FYN: variants seen among roughly 807,000 people sequenced by gnomAD.
The protein encoded by FYN is FYN proto-oncogene, Src family tyrosine kinase.
A neutral mutation model predicts 70.2 loss-of-function variants in FYN; 10 were observed. The ratio of observed to expected loss-of-function variants is 0.14; its 90% CI spans 0.09 to 0.24. The LOEUF is 0.24. Among genes scored for constraint, FYN ranks in the 10% least tolerant of loss-of-function variants. The probability of loss-of-function intolerance (pLI) is 1.00; values close to 1 mark genes in which losing one functional copy is unlikely to be tolerated. For synonymous variants in FYN, 236 were observed against 248.6 expected, an observed-to-expected ratio of 0.95 and a Z score of 0.48; for missense variants, 319 against 673.1, an observed-to-expected ratio of 0.47 and a Z score of 5.82.
chr6:111,795,624 G>A (rs555469587), intron 2 of FYN, among the ~76,000 whole-genome samples: 4 of 152,228 alleles, frequency 2.6e-5, no homozygotes, highest in African/African-American at 9.6e-5. Flanking sequence ...TCTACCAGAG[G>A]GAGAAAAATA....
chr6:111,744,157 C>T (rs1034446806), intron 3 of FYN, among the ~76,000 whole-genome samples: 7 of 152,192 alleles, frequency 4.6e-5, no homozygotes, highest in South Asian at 2.1e-4. Flanking sequence ...CTTCAGCAGC[C>T]GTTATCCTAC....
chr6:111,872,973 C>G lies in FYN; in HGVS notation c.-128G>C, dbSNP rs1454728547. ...CATCCCCGCCGCCTGCTTACCTGCG[C>G]GGCGCTGAGGCTCCGGAGCCCACTC... On this transcript the variant is annotated 5_prime_UTR_variant, in exon 1 of 14. Transcript: ENST00000354650. 1.3e-5 allele frequency: 2 copies of G among 149,964 alleles called. No homozygotes were observed. The highest frequency in any genetic ancestry group is 4.9e-5 in the African/African-American group (2 of 41,094). 9.3% of individuals were successfully genotyped at this position (149,964 alleles called of 1,614,324 possible).
intron 2 of FYN, among the ~76,000 whole-genome samples, chr6:111,801,575 C>T (rs540554255): frequency 2.0e-5 from 3 of 152,324 alleles, no homozygotes; most frequent in Admixed American, 2.0e-4. Context: ...CACTTAGACA[C>T]ATCAGTGAAT....
chr6:111,673,235 T>C (rs914978988), intron 13 of FYN, among the ~76,000 whole-genome samples: 1 of 152,154 alleles, frequency 6.6e-6, no homozygotes, highest in Non-Finnish European at 1.5e-5. Flanking sequence ...CCCTTTCTTC[T>C]GTGCTGGTTG....
chr6:111,802,245 T>G (rs1364127403), intron 2 of FYN, among the ~76,000 whole-genome samples: 1 of 150,418 alleles, frequency 6.6e-6, no homozygotes, highest in Non-Finnish European at 1.5e-5. Context: ...CTCTCCCACT[T>G]CCCCCTCTCC....
chr6:111,679,015 A>G (rs1012660476), intron 12 of FYN, among the ~76,000 whole-genome samples: 2 of 152,146 alleles, frequency 1.3e-5, no homozygotes, highest in African/African-American at 4.8e-5. Context: ...TAGAATCTAC[A>G]TGCATAATCT....
chr6:111,779,075 A>T (rs890060296), intron 3 of FYN, among the ~76,000 whole-genome samples: 12 of 148,172 alleles, frequency 8.1e-5, no homozygotes, highest in African/African-American at 3.0e-4. Flanking sequence ...CAAGCTCCTC[A>T]TCTCTGGAAG....
intron 2 of FYN, among the ~76,000 whole-genome samples, chr6:111,815,507 C>T (rs997047258): frequency 2.6e-5 from 4 of 152,102 alleles, no homozygotes; most frequent in Admixed American, 2.6e-4. Flanking sequence ...ATCTAGGTAA[C>T]TACTCCCTCT....
intron 9 of FYN, chr6:111,699,883 A>G (rs989496185): frequency 1.3e-5 from 7 of 544,922 alleles, no homozygotes; most frequent in Non-Finnish European, 2.1e-5. Context: ...GTACAACTTG[A>G]GCCATTTGCC....
At chr6:111,808,345 G>A (rs1198919610) in intron 2 of FYN, among the ~76,000 whole-genome samples, 1 of 152,170 alleles carries the variant, frequency 6.6e-6, no homozygotes, top group Non-Finnish European at 1.5e-5. Context: ...GTATTGAGGG[G>A]GAAACAGGTA....
chr6:111,722,740 A>G (rs1473922177), intron 3 of FYN, among the ~76,000 whole-genome samples: 2 of 152,232 alleles, frequency 1.3e-5, no homozygotes, highest in Admixed American at 1.3e-4. Flanking sequence ...TACTGGGTAG[A>G]GGCCAAGAAT....
intron 3 of FYN, among the ~76,000 whole-genome samples, chr6:111,729,290 A>G (rs11752214): frequency 0.13 from 20,096 of 152,092 alleles, 1,467 homozygotes; most frequent in South Asian, 0.33. Flanking sequence ...CCTAGCCAAC[A>G]TAGTGAAACC....
chr6:111,774,006 G>A (rs757834571), intron 3 of FYN, among the ~76,000 whole-genome samples: 9 of 152,198 alleles, frequency 5.9e-5, no homozygotes, highest in East Asian at 1.9e-4. Flanking sequence ...TTGCTATCAC[G>A]ATGGTTTTTA....
intron 2 of FYN, among the ~76,000 whole-genome samples, chr6:111,830,813 ATC>A (rs1348180548): frequency 1.3e-5 from 2 of 152,144 alleles, no homozygotes; most frequent in Admixed American, 6.6e-5. Flanking sequence ...TGAAAAAGGG[ATC>A]TCTGTTTCTG....
At chr6:111,871,650 A>G (rs1261063753) in intron 1 of FYN, among the ~76,000 whole-genome samples, 2 of 152,246 alleles carry the variant, frequency 1.3e-5, no homozygotes, top group Non-Finnish European at 2.9e-5. Flanking sequence ...CTCTTATCAA[A>G]TAACAATTTA....
rs574440079 is a variant in FYN, at chr6:111,861,983, A to T, written c.-123+10985T>A. Among the ~76,000 whole-genome samples, 18 of 152,332 alleles carry T rather than the reference A, an allele frequency of 1.2e-4. No individual in the cohort carries two copies. The South Asian group carries it at 3.7e-3, about 32-fold the overall frequency. On this transcript the variant is annotated intron_variant, in intron 1 of 13. Coordinates refer to ENST00000354650, the MANE Select transcript of FYN (RefSeq NM_002037.5). ...AAACAAAATCAATGCATGGAGAGGAAGGCACTTCCACAGCCAAAATTGGGC... is the reference window on the plus strand; with the variant it reads ...AAACAAAATCAATGCATGGAGAGGATGGCACTTCCACAGCCAAAATTGGGC...
chr6:111,779,121 A>AATTTTTTTTTTTTTT (rs1228509638), intron 3 of FYN, among the ~76,000 whole-genome samples: 1 of 91,494 alleles, frequency 1.1e-5, no homozygotes, highest in Non-Finnish European at 2.1e-5. Flanking sequence ...AGTAGGAGAC[A>AATTTTTTTTTTTTTT]TTTTTTTTTT....
intron 1 of FYN, among the ~76,000 whole-genome samples, chr6:111,856,313 T>C (rs1773821572): frequency 6.6e-6 from 1 of 152,210 alleles, no homozygotes; most frequent in South Asian, 2.1e-4. Flanking sequence ...GATGTACACA[T>C]AGAAGCCAAT....
intron 7 of FYN, 25 bp from the exon 8 acceptor site, chr6:111,703,059 A>T (rs3752545): frequency 6.2e-7 from 1 of 1,608,700 alleles, no homozygotes. Context: ...AAGCATTAGC[A>T]GCTCCAATCA....
Sources: gnomAD v4.1 joint callset for allele counts (sites outside exome capture counted in the v4.1 genomes callset) on GRCh38, gnomAD v4.1.1 for gene constraint, MANE v1.5 for transcripts, NCBI Gene and HGNC (gene_info 2026-07-23, HGNC 2026-07-21) for gene names.